SGCD: variants seen among roughly 807,000 people sequenced by gnomAD.
The protein encoded by SGCD is sarcoglycan delta, also known as delta-sarcoglycan.
Under a neutral mutation model 36.6 loss-of-function variants are expected in SGCD, and 18 were observed. That is an observed-to-expected ratio of 0.49 (90% CI 0.34 to 0.73). SGCD has a LOEUF of 0.73. Among genes scored for constraint, SGCD ranks in the 30% least tolerant of loss-of-function variants. The pLI is 0.01. For missense variants in SGCD, 387 were observed against 346.7 expected (o/e 1.12, Z -0.92); for synonymous variants, 133 against 130.6 (o/e 1.02, Z -0.12).
chr5:156,143,295 G>T (rs1245498989), intron 3 of SGCD, among the ~76,000 whole-genome samples: 2 of 152,232 alleles, frequency 1.3e-5, no homozygotes, highest in African/African-American at 4.8e-5. Context: ...GTGTGGAAAA[G>T]CCTGGATATC....
the SGCD span, among the ~76,000 whole-genome samples, chr5:155,782,726 G>A: frequency 6.6e-6 from 1 of 152,088 alleles, no homozygotes; most frequent in Non-Finnish European, 1.5e-5. Flanking sequence ...TCAGATCAGC[G>A]GTGGCATTAG....
At chr5:156,701,564 C>T (rs28445785) in intron 7 of SGCD, among the ~76,000 whole-genome samples, 3,663 of 152,148 alleles carry the variant, frequency 0.024, 85 homozygotes, top group African/African-American at 0.049. Context: ...ATGGGGGACA[C>T]TGGTGATAGA....
chr5:155,755,902 C>G, the SGCD span, among the ~76,000 whole-genome samples: 1 of 152,148 alleles, frequency 6.6e-6, no homozygotes, highest in African/African-American at 2.4e-5. Flanking sequence ...TTTTTGTCTT[C>G]TGTCATTTTC....
chr5:156,662,195 T>C (rs1328283035), intron 7 of SGCD, among the ~76,000 whole-genome samples: 5 of 145,370 alleles, frequency 3.4e-5, no homozygotes, highest in African/African-American at 7.9e-5. Flanking sequence ...TATCTCCTAG[T>C]AATTTTTGAA....
the SGCD span, among the ~76,000 whole-genome samples, chr5:155,859,005 A>G: frequency 2.0e-5 from 3 of 151,358 alleles, no homozygotes; most frequent in African/African-American, 7.3e-5. Context: ...TAAATAGGGC[A>G]TTGTTTACAT....
chr5:156,048,963 A>G (rs1479413747), intron 1 of SGCD, among the ~76,000 whole-genome samples: 1 of 149,808 alleles, frequency 6.7e-6, no homozygotes, highest in African/African-American at 2.4e-5. Flanking sequence ...TTCAGGTCTA[A>G]CATTTAAGTC....
chr5:156,260,604 T>A (rs555117386), intron 3 of SGCD, among the ~76,000 whole-genome samples: 28 of 152,258 alleles, frequency 1.8e-4, no homozygotes, highest in Admixed American at 1.5e-3. Flanking sequence ...TGTATCCTTT[T>A]GGATAAGTGT....
chr5:156,432,358 T>C (rs6556615), intron 3 of SGCD, among the ~76,000 whole-genome samples: 114,119 of 152,164 alleles, frequency 0.75, 43,565 homozygotes, highest in Middle Eastern at 0.91. Flanking sequence ...AGTATTTCTT[T>C]GTCATGGGTT....
chr5:156,300,154 C>T (rs937637421), intron 3 of SGCD, among the ~76,000 whole-genome samples: 1 of 151,934 alleles, frequency 6.6e-6, no homozygotes, highest in Non-Finnish European at 1.5e-5. Context: ...ATGTTGAATT[C>T]TATCAAATCT....
chr5:156,328,371 T>C (rs946970414), intron 1 of SGCD, among the ~76,000 whole-genome samples: 1 of 152,090 alleles, frequency 6.6e-6, no homozygotes, highest in Non-Finnish European at 1.5e-5. Flanking sequence ...AAAAGTCTGG[T>C]TGGGGAGATG....
At chr5:156,668,814 T>A (rs950670570) in intron 7 of SGCD, among the ~76,000 whole-genome samples, 4 of 152,140 alleles carry the variant, frequency 2.6e-5, no homozygotes, top group African/African-American at 4.8e-5. Context: ...GCCCTGATGA[T>A]GTCTCTCCTC....
At chr5:155,750,744 T>C in the SGCD span, among the ~76,000 whole-genome samples, 1 of 152,232 alleles carries the variant, frequency 6.6e-6, no homozygotes, top group Non-Finnish European at 1.5e-5. Context: ...GAGGGCTCTG[T>C]GGGCTAATTT....
chr5:156,000,816 T>TATATATATATA (rs201784739), intron 1 of SGCD, among the ~76,000 whole-genome samples: 1 of 148,342 alleles, frequency 6.7e-6, no homozygotes, highest in African/African-American at 2.6e-5. Context: ...ATATATATAT[T>TATATATATATA]TTTGCCCTCC....
chr5:156,478,043 A>T (rs1338104431), intron 3 of SGCD, among the ~76,000 whole-genome samples: 1 of 151,988 alleles, frequency 6.6e-6, no homozygotes, highest in Non-Finnish European at 1.5e-5. Context: ...GAGGGGGAGC[A>T]TTGGTCAGTG....
At chr5:156,733,260 T>A in intron 7 of SGCD, among the ~76,000 whole-genome samples, 1 of 152,184 alleles carries the variant, frequency 6.6e-6, no homozygotes, top group East Asian at 1.9e-4. Flanking sequence ...TTGTTCTTAA[T>A]AATTTCAAAG....
intron 1 of SGCD, among the ~76,000 whole-genome samples, chr5:156,086,269 G>C (rs1761088752): frequency 6.6e-6 from 1 of 152,198 alleles, no homozygotes; most frequent in Non-Finnish European, 1.5e-5. Context: ...CTGCATTTCT[G>C]CTCTTTTCCT....
intron 1 of SGCD, among the ~76,000 whole-genome samples, chr5:155,875,772 G>A (rs558552025): frequency 6.6e-6 from 1 of 151,894 alleles, no homozygotes; most frequent in Non-Finnish European, 1.5e-5. Context: ...TTTGAGGAGC[G>A]AGTGAAATCT....
intron 3 of SGCD, among the ~76,000 whole-genome samples, chr5:156,291,114 A>G (rs762565466): frequency 3.9e-5 from 6 of 152,100 alleles, no homozygotes; most frequent in Non-Finnish European, 7.4e-5. Flanking sequence ...GCAGCCAAAG[A>G]TGGTATTGAG....
chr5:155,944,860 C>T (rs1757405819), intron 1 of SGCD, among the ~76,000 whole-genome samples: 1 of 151,946 alleles, frequency 6.6e-6, no homozygotes, highest in Non-Finnish European at 1.5e-5. Context: ...TCTTTAAATA[C>T]ATGATCTTTT....
Sources: gnomAD v4.1 joint callset for allele counts (sites outside exome capture counted in the v4.1 genomes callset) on GRCh38, gnomAD v4.1.1 for gene constraint, MANE v1.5 for transcripts, NCBI Gene and HGNC (gene_info 2026-07-23, HGNC 2026-07-21) for gene names.